OAS2: variants seen among roughly 807,000 people sequenced by gnomAD.
The protein encoded by OAS2 is 2'-5'-oligoadenylate synthase 2.
Under a neutral mutation model 71.3 loss-of-function variants are expected in OAS2, and 67 were observed. That is an observed-to-expected ratio of 0.94 (90% CI 0.77 to 1.15). The LOEUF (loss-of-function observed/expected upper bound fraction) is 1.15. Ranked by LOEUF, OAS2 falls within the 50% of genes most tolerant of loss-of-function variation. The pLI is 0.00. For synonymous variants in OAS2, 327 were observed against 321.8 expected (o/e 1.02, Z -0.17); for missense variants, 789 against 822.5 (o/e 0.96, Z 0.50).
At chr12:112,998,243 T>G in intron 4 of OAS2, 23 bp from the exon 5 acceptor site, 1 of 1,604,666 alleles carries the variant, frequency 6.2e-7, no homozygotes, top group Admixed American at 1.7e-5. Flanking sequence ...AACTGACTTT[T>G]TTTAATCTAA....
rs773007591 is a variant in OAS2, at chr12:113,010,368, T to C, written c.*1113T>C. The stretch of plus-strand genomic sequence containing the variant: ...ATTGCTCTCCCACGTATGTTTTTCT[T>C]TTTAGACAATGCAGACACCAGGAAG... On this transcript the variant is annotated 3_prime_UTR_variant, in exon 10 of 10. Transcript: ENST00000392583. 6.2e-7 allele frequency: 1 copy of C among 1,611,050 alleles called. No individual in the cohort carries two copies. The highest frequency in any genetic ancestry group is 2.2e-5 in the East Asian group (1 of 44,840).
chr12:113,009,402 T>G lies in OAS2; in HGVS notation c.*147T>G. The G allele has an allele frequency of 6.8e-7, 1 of 1,478,774 alleles. No individual in the cohort carries two copies. The allele number at this position is 1,478,774 out of a possible 1,614,324, so 91.6% of individuals were successfully genotyped here. On this transcript the variant is annotated 3_prime_UTR_variant, in exon 10 of 10. Transcript: ENST00000392583. ...GCTGGTCAGCCCCCTAAGCCCCCAC[T>G]ACAAGTGATCCTCAGGCAGGTAACC...
At chr12:113,004,859 C>A (rs985969379) in intron 6 of OAS2, 75 bp from the exon 7 acceptor site, 1 of 1,495,272 alleles carries the variant, frequency 6.7e-7, no homozygotes, top group Non-Finnish European at 9.1e-7. Flanking sequence ...GTTAGCCCAA[C>A]TGGTGCCAGC....
Position 112,995,364 on chromosome 12 carries a change from A to G in OAS2, c.517A>G (p.Ser173Gly). 1.9e-6 allele frequency: 3 copies of G among 1,614,146 alleles called. No homozygotes were observed. Among genetic ancestry groups the G allele is most frequent in the Non-Finnish European group, 2.5e-6 (3 of 1,179,986 alleles). Residue 173 changes from serine (S) to glycine (G), a missense_variant, in exon 3 of 10, where the codon AGT becomes GGT. Transcript: ENST00000392583. The stretch of plus-strand genomic sequence containing the variant: ...AAGATCCTTGGATAAGACAAATGCC[A>G]GTCCTGGTGAGTTTGCAGTCTGCTT... ...LKRSLDKTNASPGEFAVCFTE... is the reference protein window; with the variant it reads ...LKRSLDKTNAGPGEFAVCFTE...
chr12:113,002,824 G>C, intron 5 of OAS2, 108 bp from the exon 6 acceptor site: 1 of 895,380 alleles, frequency 1.1e-6, no homozygotes. Context: ...CCACGAGCAG[G>C]AGGGCAGTTG....
intron 1 of OAS2, among the ~76,000 whole-genome samples, chr12:112,983,701 T>C (rs2044104351): frequency 6.6e-6 from 1 of 152,366 alleles, no homozygotes; most frequent in Non-Finnish European, 1.5e-5. Flanking sequence ...TTTAAATTTC[T>C]TCATCAGCCC....
At chr12:112,986,462 C>G (rs535635952) in intron 1 of OAS2, among the ~76,000 whole-genome samples, 1 of 152,258 alleles carries the variant, frequency 6.6e-6, no homozygotes, top group South Asian at 2.1e-4. Context: ...TGATGGCAAG[C>G]TGGGTAGGCT....
At chr12:112,991,189 T>A (rs2044188740) in intron 2 of OAS2, among the ~76,000 whole-genome samples, 1 of 152,162 alleles carries the variant, frequency 6.6e-6, no homozygotes, top group Non-Finnish European at 1.5e-5. Context: ...GGAATATACT[T>A]CCCCCAGCCT....
At chr12:113,004,221 T>A (rs1033892345) in intron 6 of OAS2, among the ~76,000 whole-genome samples, 1 of 152,104 alleles carries the variant, frequency 6.6e-6, no homozygotes, top group African/African-American at 2.4e-5. Context: ...GTGGCCTGCA[T>A]GAATGAAGGG....
intron 5 of OAS2, among the ~76,000 whole-genome samples, chr12:113,001,336 T>C (rs535223124): frequency 2.4e-4 from 37 of 151,172 alleles, no homozygotes; most frequent in African/African-American, 8.8e-4. Flanking sequence ...AAAATTACTT[T>C]TGCACCAACC....
At chr12:113,006,966 A>T (rs2044340570) in intron 8 of OAS2, among the ~76,000 whole-genome samples, 1 of 152,172 alleles carries the variant, frequency 6.6e-6, no homozygotes, top group South Asian at 2.1e-4. Flanking sequence ...AGGCAGGTTG[A>T]AGCTGTAGGT....
chr12:113,001,389 C>CATAT (rs143020646), intron 5 of OAS2, among the ~76,000 whole-genome samples: 46 of 148,146 alleles, frequency 3.1e-4, no homozygotes, highest in Middle Eastern at 3.6e-3. Context: ...CACATATACA[C>CATAT]ATATATATAC....
In OAS2 at chr12:113,010,356, G is replaced by A. The variant is rs368266156; in HGVS notation, c.*1101G>A. The A allele has an allele frequency of 8.0e-5, 129 of 1,606,958 alleles. No homozygotes were observed. Among genetic ancestry groups the A allele is most frequent in the Middle Eastern group, 1.7e-4 (1 of 6,014 alleles). On this transcript the variant is annotated 3_prime_UTR_variant, in exon 10 of 10. Coordinates refer to ENST00000392583, the MANE Select transcript of OAS2 (RefSeq NM_002535.3). ...CTATTAGGAGACATTGCTCTCCCACGTATGTTTTTCTTTTTAGACAATGCA... is the reference window on the plus strand; with the variant it reads ...CTATTAGGAGACATTGCTCTCCCACATATGTTTTTCTTTTTAGACAATGCA...
intron 5 of OAS2, among the ~76,000 whole-genome samples, chr12:113,000,156 T>C (rs999355618): frequency 1.6e-4 from 24 of 152,186 alleles, no homozygotes; most frequent in African/African-American, 5.3e-4. Context: ...TTCTCTTCAA[T>C]AACCTCCATG....
In OAS2 at chr12:112,978,568, A is replaced by G. The variant is rs2044049179; in HGVS notation, c.-41A>G. 2 of 1,609,940 alleles carry G rather than the reference A, an allele frequency of 1.2e-6. No individual in the cohort carries two copies. Among genetic ancestry groups the G allele is most frequent in the Admixed American group, 3.4e-5 (2 of 59,666 alleles). ...AGCAGCAAGAATTCCTCTGCCTCCC[A>G]TCCTACCATTCACTGTCTTGCCGGC... On this transcript the variant is annotated 5_prime_UTR_variant, in exon 1 of 10. Transcript: ENST00000392583. The surrounding 1 kb of genome is among the most constrained non-coding windows in gnomAD (Gnocchi z 4.2).
intron 2 of OAS2, chr12:112,988,034 A>T (rs1032738497): frequency 1.0e-6 from 1 of 985,366 alleles, no homozygotes; most frequent in African/African-American, 1.7e-5. Context: ...AGGAACCTAC[A>T]GGCTTAATAC....
At chr12:113,005,866 G>A (rs966363952) in intron 7 of OAS2, among the ~76,000 whole-genome samples, 1 of 136,630 alleles carries the variant, frequency 7.3e-6, no homozygotes, top group South Asian at 2.3e-4. Flanking sequence ...ACTCCAGTCT[G>A]GGGCAACAGA....
In OAS2 at chr12:112,987,125, G is replaced by T. The variant is rs925858139; in HGVS notation, c.265G>T (p.Asp89Tyr). 2.5e-6 allele frequency: 4 copies of T among 1,614,042 alleles called. No individual in the cohort carries two copies. Among genetic ancestry groups the T allele is most frequent in the African/African-American group, 2.7e-5 (2 of 74,928 alleles). ...LFFSDLKQFQDQKRSQRDILD... is the reference protein window; with the variant it reads ...LFFSDLKQFQYQKRSQRDILD... ...CTTCAGTGACTTAAAACAATTCCAG[G>T]ATCAGAAGAGAAGCCAACGTGACAT... Residue 89 changes from aspartate to tyrosine, a missense_variant, in exon 2 of 10, where the codon GAT (aspartate) becomes TAT (tyrosine). Transcript: ENST00000392583.
In OAS2 at chr12:112,987,328, A is replaced by G; in HGVS notation, c.448+20A>G. On this transcript the variant is annotated intron_variant, in intron 2 of 9. Transcript: ENST00000392583. ...CTCTGAGTAAGCATTGCTGGGTGTCAGGAGAGAAAAGCCAAAGAAGCGGGT... is the reference window on the plus strand; with the variant it reads ...CTCTGAGTAAGCATTGCTGGGTGTCGGGAGAGAAAAGCCAAAGAAGCGGGT... The G allele has an allele frequency of 6.2e-7, 1 of 1,613,636 alleles. No homozygotes were observed. The highest frequency in any genetic ancestry group is 8.5e-7 in the Non-Finnish European group (1 of 1,179,684).
Sources: allele counts gnomAD v4.1 joint callset (sites outside exome capture counted in the v4.1 genomes callset), GRCh38; gene constraint gnomAD v4.1.1; non-coding constraint Gnocchi (gnomAD v3.1); transcripts MANE v1.5; gene names NCBI Gene and HGNC (gene_info 2026-07-23, HGNC 2026-07-21).